IL12RB2: variants seen among roughly 807,000 people sequenced by gnomAD.
The protein encoded by IL12RB2 is interleukin-12 receptor subunit beta-2.
IL12RB2 carries 82 observed loss-of-function variants against 89.4 expected under a neutral mutation model. The ratio of observed to expected loss-of-function variants is 0.92; its 90% confidence interval spans 0.77 to 1.10. IL12RB2 has a LOEUF of 1.10. Among genes scored for constraint, IL12RB2 ranks in the 50% least tolerant of loss-of-function variants. The pLI is 0.00. For synonymous variants in IL12RB2, 368 were observed against 370.1 expected (o/e 0.99, Z 0.07); for missense variants, 963 against 1,031.9 (o/e 0.93, Z 0.92).
chr1:67,366,639 C>T (rs557582540), intron 10 of IL12RB2, among the ~76,000 whole-genome samples: 1 of 152,202 alleles, frequency 6.6e-6, no homozygotes, highest in Admixed American at 6.5e-5. Context: ...AGAGATAAAT[C>T]TGGCAGTATT....
At chr1:67,327,615 T>C (rs569000416) in intron 5 of IL12RB2, among the ~76,000 whole-genome samples, 6 of 152,322 alleles carry the variant, frequency 3.9e-5, no homozygotes, top group African/African-American at 1.4e-4. Context: ...TAAGAGTCCA[T>C]GAGAAGAGAG....
At chr1:67,321,558 GTTTA>G (rs1558298498) in intron 3 of IL12RB2, 40 bp from the exon 4 acceptor site, 1 of 1,322,450 alleles carries the variant, frequency 7.6e-7, no homozygotes, top group Non-Finnish European at 1.1e-6. Context: ...TTTGAAATGG[GTTTA>G]TTATCACCAA....
rs1284543357 is a variant in IL12RB2, at chr1:67,372,607, C to T, written c.1559-18C>T. On this transcript the variant is annotated intron_variant, in intron 12 of 16. Transcript: ENST00000674203. Reference sequence around the variant, plus strand: ...GGATTTGGAGGGTGACAGAAGCCTCCTGTGCCCTACTTTACAGCACCACTG... The same window carrying T: ...GGATTTGGAGGGTGACAGAAGCCTCTTGTGCCCTACTTTACAGCACCACTG... 3.1e-6 allele frequency: 5 copies of T among 1,613,158 alleles called. No individual in the cohort carries two copies. The Admixed American group carries it at 8.3e-5, about 27-fold the overall frequency.
At chr1:67,310,290 T>C (rs544128472) in intron 1 of IL12RB2, among the ~76,000 whole-genome samples, 2 of 147,376 alleles carry the variant, frequency 1.4e-5, no homozygotes, top group African/African-American at 5.4e-5. Context: ...AACAGTGGTT[T>C]GTTTTTGTTT....
At chr1:67,361,676 A>C (rs1252309350) in intron 10 of IL12RB2, among the ~76,000 whole-genome samples, 1 of 152,190 alleles carries the variant, frequency 6.6e-6, no homozygotes, top group Non-Finnish European at 1.5e-5. Flanking sequence ...ACTACAAAAG[A>C]TGTAACCTAC....
chr1:67,328,965 G>A (rs1331426949), intron 6 of IL12RB2, among the ~76,000 whole-genome samples: 2 of 152,164 alleles, frequency 1.3e-5, no homozygotes, highest in African/African-American at 2.4e-5. Context: ...GACCATCCAG[G>A]CAGAACTGGG....
intron 9 of IL12RB2, among the ~76,000 whole-genome samples, chr1:67,348,572 G>T (rs1265246093): frequency 6.6e-6 from 1 of 151,898 alleles, no homozygotes; most frequent in Non-Finnish European, 1.5e-5. Flanking sequence ...CCAGTTTGGT[G>T]GTTCCTTGAT....
intron 9 of IL12RB2, among the ~76,000 whole-genome samples, chr1:67,346,007 G>A (rs1485902082): frequency 6.6e-6 from 1 of 152,196 alleles, no homozygotes; most frequent in Non-Finnish European, 1.5e-5. Flanking sequence ...TCACCACCAA[G>A]AGGTTTGACT....
chr1:67,396,654 G>A lies in IL12RB2; in HGVS notation c.*565G>A, dbSNP rs1052804571. ...TAAATTTTGATTGTAAATTTAAATCGCCACACATGGCTAGTGGCTACTGTA... is the reference window on the plus strand; with the variant it reads ...TAAATTTTGATTGTAAATTTAAATCACCACACATGGCTAGTGGCTACTGTA... On this transcript the variant is annotated 3_prime_UTR_variant, in exon 17 of 17. Coordinates refer to ENST00000674203, the MANE Select transcript of IL12RB2 (RefSeq NM_001374259.2). The A allele has an allele frequency of 2.4e-5, 4 of 166,418 alleles. No individual in the cohort carries two copies. The highest frequency in any genetic ancestry group is 5.7e-5 in the Admixed American group (1 of 17,600). The allele number at this position is 166,418 out of a possible 1,614,324, so 10.3% of individuals were successfully genotyped here. A position where few individuals can be genotyped will look rare whatever the true frequency, so the allele number is the denominator to read the frequency against.
chr1:67,327,218 C>T (rs111477846), intron 5 of IL12RB2, among the ~76,000 whole-genome samples: 3 of 152,244 alleles, frequency 2.0e-5, no homozygotes, highest in Admixed American at 6.5e-5. Context: ...CTCAGCCTCC[C>T]AAAGTGCTGG....
Position 67,396,385 on chromosome 1 carries a change from T to C in IL12RB2, c.*296T>C. The C allele has an allele frequency of 2.0e-6, 1 of 504,222 alleles. No individual in the cohort carries two copies. The highest frequency in any genetic ancestry group is 3.6e-6 in the Non-Finnish European group (1 of 275,400). The allele number at this position is 504,222 out of a possible 1,614,324, so 31.2% of individuals were successfully genotyped here. ...TTGGTATGCTGGCCAGAAAGGGAAATGAGGAGGAGAGTAGAAACCACAGCT... is the reference window on the plus strand; with the variant it reads ...TTGGTATGCTGGCCAGAAAGGGAAACGAGGAGGAGAGTAGAAACCACAGCT... On this transcript the variant is annotated 3_prime_UTR_variant, in exon 17 of 17. Transcript: ENST00000674203.
In IL12RB2 at chr1:67,338,810, C is replaced by T. The variant is rs41286736; in HGVS notation, c.1038+107C>T. ...TGAAGCTTCAATGATTTTGCTAGAGCTCATTTTCTCACATTCATGACACAC... is the reference window on the plus strand; with the variant it reads ...TGAAGCTTCAATGATTTTGCTAGAGTTCATTTTCTCACATTCATGACACAC... On this transcript the variant is annotated intron_variant, in intron 9 of 16. Transcript: ENST00000674203. The T allele has an allele frequency of 2.8e-3, 2,053 of 730,864 alleles. 7 individuals carry two copies. The highest frequency in any genetic ancestry group is 4.7e-3 in the Non-Finnish European group (1,853 of 390,906). 45.3% of individuals were successfully genotyped at this position (730,864 alleles called of 1,614,324 possible).
intron 10 of IL12RB2, among the ~76,000 whole-genome samples, chr1:67,367,600 T>C (rs1662848305): frequency 1.3e-5 from 2 of 151,980 alleles, no homozygotes; most frequent in African/African-American, 4.8e-5. Context: ...GGGAAAATAA[T>C]TGTACACATG....
chr1:67,378,445 A>T (rs1266078681), intron 13 of IL12RB2, among the ~76,000 whole-genome samples: 1 of 142,152 alleles, frequency 7.0e-6, no homozygotes, highest in Non-Finnish European at 1.5e-5. Context: ...GCCAAATCTA[A>T]TCTAAGTATC....
chr1:67,387,956 TC>T (rs1665402972), intron 15 of IL12RB2, among the ~76,000 whole-genome samples: 1 of 152,136 alleles, frequency 6.6e-6, no homozygotes, highest in South Asian at 2.1e-4. Flanking sequence ...GGCAGGCAGA[TC>T]ACCTCAGGTC....
At chr1:67,340,392 C>T (rs1037566354) in intron 9 of IL12RB2, among the ~76,000 whole-genome samples, 1 of 152,194 alleles carries the variant, frequency 6.6e-6, no homozygotes. Flanking sequence ...CTGGTTAAAA[C>T]CAAAATTCCT....
At chr1:67,330,575 G>T (rs1428591976) in intron 7 of IL12RB2, 85 bp from the exon 8 acceptor site, 9 of 620,444 alleles carry the variant, frequency 1.5e-5, no homozygotes, top group Admixed American at 2.5e-5. Context: ...AATAGCCTGG[G>T]TTTTTTTTTT....
At chr1:67,313,041 A>T (rs1655292452) in intron 1 of IL12RB2, among the ~76,000 whole-genome samples, 1 of 152,280 alleles carries the variant, frequency 6.6e-6, no homozygotes. Flanking sequence ...ATGGGGCCTG[A>T]TAGACGGGCT....
chr1:67,312,629 G>A (rs556879123), intron 1 of IL12RB2, among the ~76,000 whole-genome samples: 2 of 69,382 alleles, frequency 2.9e-5, no homozygotes, highest in Non-Finnish European at 5.9e-5. Context: ...CAACATTCCA[G>A]AAAAAATAGG....
Sources: allele counts gnomAD v4.1 joint callset (sites outside exome capture counted in the v4.1 genomes callset), GRCh38; gene constraint gnomAD v4.1.1; transcripts MANE v1.5; gene names NCBI Gene and HGNC (gene_info 2026-07-23, HGNC 2026-07-21).